Variants in CLIC5 observed in about 807,000 individuals in gnomAD.
The protein encoded by CLIC5 is chloride intracellular channel protein 5.
A neutral mutation model predicts 24.7 loss-of-function variants in CLIC5; 20 were observed. That is an observed-to-expected ratio of 0.81 (90% CI 0.57 to 1.18). The LOEUF is 1.18. Ranked by LOEUF, CLIC5 falls within the 50% of genes most tolerant of loss-of-function variation. CLIC5 has a pLI of 0.00. For missense variants in CLIC5, 341 were observed against 326.1 expected (o/e 1.05, Z -0.35); for synonymous variants, 159 against 135.6 (o/e 1.17, Z -1.20).
At chr6:45,903,350 A>G in intron 5 of CLIC5, 95 bp from the exon 6 acceptor site, 1 of 1,120,196 alleles carries the variant, frequency 8.9e-7, no homozygotes, top group Non-Finnish European at 1.2e-6. Flanking sequence ...GCACTGCAGG[A>G]AACCTCCGTG....
intron 1 of CLIC5, among the ~76,000 whole-genome samples, chr6:45,989,990 G>A (rs946601082): frequency 6.6e-6 from 1 of 152,258 alleles, no homozygotes; most frequent in Admixed American, 6.5e-5. Flanking sequence ...TAGGAGCTTG[G>A]AAGTGAATCC....
intron 1 of CLIC5, among the ~76,000 whole-genome samples, chr6:45,972,385 C>T: frequency 6.6e-6 from 1 of 152,332 alleles, no homozygotes; most frequent in African/African-American, 2.4e-5. Context: ...CATATCCTGT[C>T]TTCTTTGTTA....
chr6:46,024,221 A>G (rs1237175601), intron 1 of CLIC5, among the ~76,000 whole-genome samples: 1 of 152,148 alleles, frequency 6.6e-6, no homozygotes, highest in East Asian at 1.9e-4. Flanking sequence ...ATTTGCCTTG[A>G]GTTACCCAGT....
chr6:45,979,910 A>G (rs921572135), intron 1 of CLIC5, among the ~76,000 whole-genome samples: 1 of 114,690 alleles, frequency 8.7e-6, no homozygotes, highest in South Asian at 2.7e-4. Context: ...CCATTTATCA[A>G]TTTTTTATTT....
At chr6:45,970,108 G>T (rs966910752) in intron 1 of CLIC5, among the ~76,000 whole-genome samples, 2 of 152,096 alleles carry the variant, frequency 1.3e-5, no homozygotes, top group African/African-American at 2.4e-5. Flanking sequence ...CACATTAAAG[G>T]TCACAGGTCT....
chr6:45,984,510 G>A (rs1037406349), intron 1 of CLIC5, among the ~76,000 whole-genome samples: 1 of 152,168 alleles, frequency 6.6e-6, no homozygotes, highest in East Asian at 1.9e-4. Flanking sequence ...CTTGTACTAA[G>A]TGCCCCGCCT....
chr6:46,008,596 G>A (rs183358647), intron 1 of CLIC5, among the ~76,000 whole-genome samples: 23 of 152,200 alleles, frequency 1.5e-4, no homozygotes, highest in Admixed American at 8.5e-4. Flanking sequence ...TAGGTGCTCT[G>A]TAAGCATTTT....
intron 2 of CLIC5, among the ~76,000 whole-genome samples, chr6:45,950,341 A>C (rs1764427940): frequency 1.3e-5 from 2 of 151,904 alleles, no homozygotes; most frequent in Non-Finnish European, 2.9e-5. Context: ...TGGGAGGATC[A>C]CTTGAGCCCA....
chr6:45,951,902 C>A (rs1481461894), intron 2 of CLIC5, among the ~76,000 whole-genome samples: 5 of 152,204 alleles, frequency 3.3e-5, no homozygotes, highest in African/African-American at 1.2e-4. Flanking sequence ...CACACACTCT[C>A]CAGCTGCATT....
the CLIC5 span, among the ~76,000 whole-genome samples, chr6:46,097,948 ACTGGGTCTCAAAG>A: frequency 6.6e-6 from 1 of 152,146 alleles, no homozygotes; most frequent in African/African-American, 2.4e-5. Flanking sequence ...ACGTCTTCTT[ACTGGGTCTCAAAG>A]CTGGCTTCAT....
At chr6:46,039,716 C>A (rs1352203365) in intron 1 of CLIC5, among the ~76,000 whole-genome samples, 1 of 152,162 alleles carries the variant, frequency 6.6e-6, no homozygotes, top group Non-Finnish European at 1.5e-5. Flanking sequence ...GGAAGCTCTA[C>A]TCTTAAGAAA....
chr6:45,994,223 G>A (rs7757434), intron 1 of CLIC5, among the ~76,000 whole-genome samples: 39,202 of 151,820 alleles, frequency 0.26, 5,491 homozygotes, highest in East Asian at 0.49. Flanking sequence ...AATGACATGA[G>A]TATTAAATTG....
intron 6 of CLIC5, among the ~76,000 whole-genome samples, chr6:45,888,625 T>G (rs1436277263): frequency 6.6e-6 from 1 of 152,232 alleles, no homozygotes; most frequent in Non-Finnish European, 1.5e-5. Context: ...AAACATATTT[T>G]GATACATATT....
intron 1 of CLIC5, among the ~76,000 whole-genome samples, chr6:46,067,144 G>A (rs376910059): frequency 5.9e-5 from 9 of 152,114 alleles, no homozygotes; most frequent in African/African-American, 2.2e-4. Context: ...TCCACTGGTT[G>A]AATGAAGGCT....
the CLIC5 span, among the ~76,000 whole-genome samples, chr6:46,122,509 C>T: frequency 6.6e-6 from 1 of 152,032 alleles, no homozygotes. Flanking sequence ...CCTAACATCG[C>T]AATTAAAAGA....
chr6:46,028,181 T>C (rs9472668), intron 1 of CLIC5, among the ~76,000 whole-genome samples: 2,368 of 152,236 alleles, frequency 0.016, 71 homozygotes, highest in African/African-American at 0.053. Flanking sequence ...TTGTGGGAAG[T>C]CAACAAATTA....
chr6:45,895,738 T>C (rs1375577888), downstream of CLIC5, among the ~76,000 whole-genome samples: 1 of 152,198 alleles, frequency 6.6e-6, no homozygotes, highest in Non-Finnish European at 1.5e-5. Context: ...TAGTTTGTAA[T>C]TGGGGACAGG....
the CLIC5 span, among the ~76,000 whole-genome samples, chr6:46,106,524 G>A: frequency 3.3e-5 from 5 of 152,308 alleles, no homozygotes; most frequent in South Asian, 1.0e-3. Context: ...ATTTGTTAAT[G>A]AGCTTTGCCC....
At chr6:46,065,551 T>C (rs1371666664) in intron 1 of CLIC5, among the ~76,000 whole-genome samples, 1 of 152,110 alleles carries the variant, frequency 6.6e-6, no homozygotes, top group Non-Finnish European at 1.5e-5. Flanking sequence ...TAAAAAGTTG[T>C]AGCACAATAC....
Sources: gnomAD v4.1 joint callset for allele counts (sites outside exome capture counted in the v4.1 genomes callset) on GRCh38, gnomAD v4.1.1 for gene constraint, MANE v1.5 for transcripts, NCBI Gene and HGNC (gene_info 2026-07-23, HGNC 2026-07-21) for gene names.